Variants in COL4A4 observed in about 807,000 individuals in gnomAD.
The protein encoded by COL4A4 is collagen type IV alpha 4 chain.
A neutral mutation model predicts 192.9 loss-of-function variants in COL4A4; 105 were observed. The ratio of observed to expected loss-of-function variants is 0.54; its 90% CI spans 0.46 to 0.64. The LOEUF (loss-of-function observed/expected upper bound fraction) is 0.64. COL4A4 is among the 30% of genes least tolerant of loss of function. COL4A4 has a pLI of 0.00. For synonymous variants in COL4A4, 762 were observed against 769.9 expected (o/e 0.99, Z 0.17); for missense variants, 1,967 against 2,169.3 (o/e 0.91, Z 1.85).
chr2:227,129,357 C>T (rs1280046535), intron 4 of COL4A4, among the ~76,000 whole-genome samples: 1 of 151,980 alleles, frequency 6.6e-6, no homozygotes, highest in Non-Finnish European at 1.5e-5. Context: ...TTCATTATTG[C>T]CTTGTGCATG....
downstream of COL4A4, chr2:226,998,788 G>A (rs1009830825): frequency 2.0e-4 from 31 of 152,158 alleles, no homozygotes; most frequent in Admixed American, 2.0e-3. Context: ...TGCTGCCAAA[G>A]GATAAAGGTC....
chr2:227,160,745 C>T (rs2064761733), intron 1 of COL4A4, among the ~76,000 whole-genome samples: 1 of 152,124 alleles, frequency 6.6e-6, no homozygotes, highest in Non-Finnish European at 1.5e-5. Flanking sequence ...GAGTAGAAAG[C>T]CTGCAGGACA....
At chr2:227,153,099 C>T (rs1040473449) in intron 1 of COL4A4, among the ~76,000 whole-genome samples, 3 of 152,110 alleles carry the variant, frequency 2.0e-5, no homozygotes, top group African/African-American at 7.2e-5. Context: ...AGGAAAATCC[C>T]TTATAAAATC....
At chr2:227,156,990 T>A (rs2064403805) in intron 1 of COL4A4, among the ~76,000 whole-genome samples, 1 of 152,194 alleles carries the variant, frequency 6.6e-6, no homozygotes, top group African/African-American at 2.4e-5. Context: ...TTTACTTAAT[T>A]TAATATATAC....
intron 25 of COL4A4, among the ~76,000 whole-genome samples, chr2:227,069,469 T>C (rs1363201588): frequency 6.6e-6 from 1 of 152,000 alleles, no homozygotes; most frequent in Non-Finnish European, 1.5e-5. Flanking sequence ...CTTCAAACTA[T>C]ACTACAAGGC....
the COL4A4 span, chr2:226,996,783 T>C: frequency 6.6e-6 from 1 of 152,242 alleles, no homozygotes; most frequent in Non-Finnish European, 1.5e-5. Flanking sequence ...AAGATGTGTT[T>C]ATGTGTGTGT....
chr2:227,049,345 C>A (rs1052224939), intron 34 of COL4A4, among the ~76,000 whole-genome samples: 1 of 152,164 alleles, frequency 6.6e-6, no homozygotes, highest in Non-Finnish European at 1.5e-5. Context: ...GCCCGTGGGG[C>A]CAAATCTAGC....
intron 2 of COL4A4, among the ~76,000 whole-genome samples, chr2:227,144,799 T>C (rs2063439818): frequency 6.6e-6 from 1 of 152,182 alleles, no homozygotes; most frequent in Non-Finnish European, 1.5e-5. Context: ...GTCCTCATTG[T>C]GCTGGGGACC....
intron 25 of COL4A4, among the ~76,000 whole-genome samples, chr2:227,069,771 A>C (rs1455444375): frequency 2.0e-5 from 3 of 151,586 alleles, no homozygotes; most frequent in Non-Finnish European, 4.4e-5. Context: ...AAACCCTAGA[A>C]GAAAACCTAG....
At chr2:227,072,208 G>A (rs530635745) in intron 25 of COL4A4, among the ~76,000 whole-genome samples, 30 of 151,728 alleles carry the variant, frequency 2.0e-4, no homozygotes, top group African/African-American at 4.6e-4. Flanking sequence ...AATTAGAACC[G>A]AAACTGGGGT....
At chr2:227,069,336 A>C (rs1384318012) in intron 25 of COL4A4, among the ~76,000 whole-genome samples, 1 of 152,138 alleles carries the variant, frequency 6.6e-6, no homozygotes, top group East Asian at 1.9e-4. Flanking sequence ...CAAGCTACCA[A>C]TGACTTTCTT....
chr2:227,121,988 A>G (rs1235382280), intron 4 of COL4A4, among the ~76,000 whole-genome samples: 2 of 152,252 alleles, frequency 1.3e-5, no homozygotes, highest in East Asian at 3.8e-4. Flanking sequence ...TCGAAGGACA[A>G]CATTTCTTTT....
chr2:227,110,367 AAGT>A (rs1284886124), intron 9 of COL4A4, among the ~76,000 whole-genome samples: 1 of 152,228 alleles, frequency 6.6e-6, no homozygotes, highest in Non-Finnish European at 1.5e-5. Context: ...CACTAGCCAG[AAGT>A]TACAGGGCAA....
chr2:227,016,034 A>C (rs1251194871), intron 44 of COL4A4, among the ~76,000 whole-genome samples: 1 of 151,986 alleles, frequency 6.6e-6, no homozygotes, highest in East Asian at 1.9e-4. Flanking sequence ...CCCTACATAA[A>C]TGGTCTTCAA....
rs918059089 is a variant in COL4A4 at position 227,005,759 on chromosome 2, G to A, written c.*1566C>T. 2 of 152,012 alleles carry A rather than the reference G, an allele frequency of 1.3e-5. No individual in the cohort carries two copies. Among genetic ancestry groups the A allele is most frequent in the Admixed American group, 6.6e-5 (1 of 15,256 alleles). The allele number at this position is 152,012 out of a possible 1,614,324, so 9.4% of individuals were successfully genotyped here. On this transcript the variant is annotated 3_prime_UTR_variant, in exon 48 of 48. Coordinates refer to ENST00000396625, the MANE Select transcript of COL4A4 (RefSeq NM_000092.5). ...TCTTCTCAATTATTTTTAAGTGCAC[G>A]GAAACAAAGCACTAAAATGAGTGTC... is the stretch of plus-strand genomic sequence containing the variant.
chr2:227,143,142 T>C lies in COL4A4; in HGVS notation c.114+1374A>G, dbSNP rs958697025. On this transcript the variant is annotated intron_variant, in intron 3 of 47. Transcript: ENST00000396625. ...TGGATTGCTCTATATTTTGCTGTTT[T>C]CACATAATTGAAAGTCTTCAAAATC... Among the ~76,000 whole-genome samples the C allele has an allele frequency of 2.0e-5, 3 of 152,328 alleles. No individual in the cohort carries two copies. In the East Asian group the frequency reaches 5.8e-4, roughly 29 times the overall value.
chr2:227,022,057 A>G lies in COL4A4; in HGVS notation c.4207T>C (p.Ser1403Pro), dbSNP rs3752895. 0.45 allele frequency: 720,444 copies of G among 1,612,828 alleles called. 164,328 individuals are homozygous for G. Among genetic ancestry groups the G allele is most frequent in the African/African-American group, 0.63 (47,423 of 74,898 alleles). ...AMGLPGMRGP[S>P]GPGCKGEPGL... ...AGCATGCGGCTCATACCTGGTCCTG[A>G]GGGGCCTCTCATTCCAGGGAGCCCC... Residue 1403 changes from serine (S) to proline (P), a missense_variant, in exon 44 of 48, where the codon TCA becomes CCA. Ser to Pro is a moderately conservative substitution (Grantham distance 74). Transcript: ENST00000396625.
chr2:227,108,781 A>G (rs1469800740), intron 11 of COL4A4, 52 bp downstream of exon 11: 2 of 1,581,594 alleles, frequency 1.3e-6, no homozygotes, highest in Non-Finnish European at 1.7e-6. Context: ...TCAGTGGTCA[A>G]CCATTTCATT....
chr2:227,146,499 G>A (rs564090496), intron 2 of COL4A4, among the ~76,000 whole-genome samples: 3 of 152,032 alleles, frequency 2.0e-5, no homozygotes, highest in Non-Finnish European at 2.9e-5. Context: ...TTTGAGTCTC[G>A]TTGAACAATC....
Sources: gnomAD v4.1 joint callset for allele counts (sites outside exome capture counted in the v4.1 genomes callset) on GRCh38, gnomAD v4.1.1 for gene constraint, MANE v1.5 for transcripts, NCBI Gene and HGNC (gene_info 2026-07-23, HGNC 2026-07-21) for gene names.